Variants in MYO7B observed in about 807,000 individuals in gnomAD.
The protein encoded by MYO7B is unconventional myosin-VIIb.
A neutral mutation model predicts 259.7 loss-of-function variants in MYO7B; 212 were observed. The observed-to-expected ratio is 0.82, with a 90% CI of 0.73 to 0.91. MYO7B has a LOEUF of 0.91. MYO7B is among the 40% of genes least tolerant of loss of function. The pLI, the probability that MYO7B is intolerant of heterozygous loss-of-function variation, is 0.00. For synonymous variants in MYO7B, 1,197 were observed against 1,166.4 expected, an observed-to-expected ratio of 1.03 and a Z score of -0.54; for missense variants, 2,732 against 2,813.5, an observed-to-expected ratio of 0.97 and a Z score of 0.66.
At chr2:127,616,720 G>T (rs940262124) in intron 26 of MYO7B, among the ~76,000 whole-genome samples, 15 of 152,208 alleles carry the variant, frequency 9.9e-5, no homozygotes, top group African/African-American at 3.4e-4. Flanking sequence ...GGGAATTAAT[G>T]TGCCTCCGGA....
intron 19 of MYO7B, 61 bp from the exon 20 acceptor site, chr2:127,605,783 C>T: frequency 6.8e-7 from 1 of 1,474,930 alleles, no homozygotes; most frequent in East Asian, 2.3e-5. Flanking sequence ...AGTTTTTCTC[C>T]CTCAGAAGCT....
In MYO7B at chr2:127,582,449, A is replaced by G. The variant is rs1558814928; in HGVS notation, c.1343+3A>G. ...TTTGAAAATTTCGAGAACAATAGGT[A>G]TGAAGATCTCAGATCCCAGCCCCAC... is the stretch of plus-strand genomic sequence containing the variant. On this transcript the variant is annotated splice_donor_region_variant and intron_variant, in intron 12 of 47. Coordinates refer to ENST00000409816, the MANE Select transcript of MYO7B (RefSeq NM_001393586.1). 1 of 1,612,748 alleles carries G rather than the reference A, an allele frequency of 6.2e-7. No homozygotes were observed. Among genetic ancestry groups the G allele is most frequent in the African/African-American group, 1.3e-5 (1 of 75,036 alleles).
chr2:127,636,703 C>G lies in MYO7B; in HGVS notation c.6207+75C>G. The G allele has an allele frequency of 6.2e-7, 1 of 1,609,254 alleles. No individual in the cohort carries two copies. Among genetic ancestry groups the G allele is most frequent in the Non-Finnish European group, 8.5e-7 (1 of 1,177,502 alleles). On this transcript the variant is annotated intron_variant, in intron 46 of 47. Coordinates refer to ENST00000409816, the MANE Select transcript of MYO7B (RefSeq NM_001393586.1). This position sits in a 1 kb window ranked among gnomAD's most constrained non-coding sequence, Gnocchi z 4.5. ...TGTGCAGGTGGGGCTGCAGTCATCT[C>G]TGCGGTGTGTCCTGCCTCTCTCCTG...
At chr2:127,625,927 G>T in intron 31 of MYO7B, 1 of 204,398 alleles carries the variant, frequency 4.9e-6, no homozygotes, top group Non-Finnish European at 9.7e-6. Context: ...TGGGTGCATG[G>T]GAACCCCCCA....
chr2:127,605,725 CG>C, intron 19 of MYO7B, 118 bp from the exon 20 acceptor site: 1 of 830,498 alleles, frequency 1.2e-6, no homozygotes, highest in Admixed American at 2.3e-5. Context: ...AAGGATTGTA[CG>C]TATTCATTTT....
At position 127,631,608 on chromosome 2, in the gene MYO7B, CG is replaced by C; in HGVS notation, c.5106del (p.Tyr1703ThrfsTer39). The C allele has an allele frequency of 6.2e-7, 1 of 1,613,024 alleles. No individual in the cohort carries two copies. ...IACQIFVAIL[R>X]YMGDYPSRQA... ...CTCCTTGACAGCCACACCCATCCTC[CG>C]GTACATGGGCGACTACCCTTCTCGG... On this transcript the variant is annotated frameshift_variant, in exon 38 of 48. Coordinates refer to ENST00000409816, the MANE Select transcript of MYO7B (RefSeq NM_001393586.1). LOFTEE classifies it high-confidence loss of function.
chr2:127,617,658 G>T lies in MYO7B; in HGVS notation c.3399-2682G>T, dbSNP rs111807330. Among the ~76,000 whole-genome samples, 1,256 of 149,588 alleles carry T rather than the reference G, an allele frequency of 8.4e-3. 22 individuals carry two copies. The highest frequency in any genetic ancestry group is 0.029 in the African/African-American group (1,179 of 40,470). On this transcript the variant is annotated intron_variant, in intron 26 of 47. Coordinates refer to ENST00000409816, the MANE Select transcript of MYO7B (RefSeq NM_001393586.1). ...GCTGGGACTACAGGCGCCCGCCACC[G>T]CGCCCGGCTAATTTTTTGTATTTTT...
rs1680789497 is a variant in MYO7B, at chr2:127,620,447, C to T, written c.3506C>T (p.Pro1169Leu). Residue 1169 changes from proline to leucine, a missense_variant, in exon 27 of 48, where the codon CCC becomes CTC. By Grantham distance (98) the Pro-to-Leu change is moderately conservative. This residue lies in a region of MYO7B where 1,906 missense variants were observed against 2,026.4 expected (regional missense o/e 0.94). Transcript: ENST00000409816. Reference protein sequence around the residue: ...LLSLCLGCFPPSERFMKYLLN... With the variant: ...LLSLCLGCFPLSERFMKYLLN... ...AGCCTCTGCCTCGGCTGCTTCCCAC[C>T]CTCAGAGAGGTTCATGAAGGTGAGA... The T allele has an allele frequency of 6.2e-7, 1 of 1,603,188 alleles. No individual in the cohort carries two copies. The highest frequency in any genetic ancestry group is 8.5e-7 in the Non-Finnish European group (1 of 1,172,260).
At chr2:127,599,916 T>C (rs1362765980) in intron 19 of MYO7B, among the ~76,000 whole-genome samples, 1 of 152,260 alleles carries the variant, frequency 6.6e-6, no homozygotes, top group Non-Finnish European at 1.5e-5. Context: ...TATTTGTTAA[T>C]GTTTCATTAA....
chr2:127,632,049 G>A (rs10186397), intron 38 of MYO7B, among the ~76,000 whole-genome samples, 197 bp from the exon 39 acceptor site: 61,398 of 152,152 alleles, frequency 0.4, 12,611 homozygotes, highest in South Asian at 0.54. Flanking sequence ...ATGCCCACCC[G>A]CCCCCATCTT....
chr2:127,615,081 G>A lies in MYO7B; in HGVS notation c.3398+2478G>A, dbSNP rs1283485929. Among the ~76,000 whole-genome samples the A allele has an allele frequency of 3.3e-5, 5 of 152,184 alleles. No individual in the cohort carries two copies. The highest frequency in any genetic ancestry group is 1.5e-5 in the Non-Finnish European group (1 of 68,036). On this transcript the variant is annotated intron_variant, in intron 26 of 47. Transcript: ENST00000409816. This position sits in a 1 kb window ranked among gnomAD's most constrained non-coding sequence, Gnocchi z 4.4. Reference sequence around the variant, plus strand: ...GAGGAGCTCACCCTTTAGCTGGGGGGCACGAGAGGACCAGGAAATTCACAA... The same window carrying A: ...GAGGAGCTCACCCTTTAGCTGGGGGACACGAGAGGACCAGGAAATTCACAA...
At chr2:127,593,717 C>T (rs773100283) in intron 18 of MYO7B, 73 bp downstream of exon 18, 6 of 1,405,854 alleles carry the variant, frequency 4.3e-6, no homozygotes, top group Admixed American at 3.4e-5. Flanking sequence ...GCACCAGGCC[C>T]GGGGTCCATG....
rs751441262 is a variant in MYO7B at position 127,586,539 on chromosome 2, C to A, written c.1690+1626C>A. 5.9e-5 allele frequency among the ~76,000 whole-genome samples: 9 copies of A among 152,170 alleles called. No individual in the cohort carries two copies. Among genetic ancestry groups the A allele is most frequent in the Non-Finnish European group, 1.2e-4 (8 of 68,032 alleles). ...TGCCGTGGCTCCTTCATAGTTCCTG[C>A]CACATCCTGGCTTTGGGCTCTTGGA... On this transcript the variant is annotated intron_variant, in intron 14 of 47. Transcript: ENST00000409816. This position sits in a 1 kb window ranked among gnomAD's most constrained non-coding sequence, Gnocchi z 4.8.
chr2:127,628,137 A>C lies in MYO7B; in HGVS notation c.4461-235A>C, dbSNP rs1681250843. 1.5e-6 allele frequency: 1 copy of C among 669,484 alleles called. No individual in the cohort carries two copies. The highest frequency in any genetic ancestry group is 2.7e-6 in the Non-Finnish European group (1 of 365,550). 41.5% of individuals were successfully genotyped at this position (669,484 alleles called of 1,614,324 possible). A position where few individuals can be genotyped will look rare whatever the true frequency, so the allele number is the denominator to read the frequency against. The stretch of plus-strand genomic sequence containing the variant: ...ACACCAGCCACCTCATTATCTGCCC[A>C]CAGCCAACCCCACACATGGGCTGCA... On this transcript the variant is annotated intron_variant, in intron 33 of 47. Coordinates refer to ENST00000409816, the MANE Select transcript of MYO7B (RefSeq NM_001393586.1). This position sits in a 1 kb window ranked among gnomAD's most constrained non-coding sequence, Gnocchi z 4.8.
chr2:127,562,489 T>G (rs1299997207), intron 2 of MYO7B, among the ~76,000 whole-genome samples: 2 of 139,004 alleles, frequency 1.4e-5, no homozygotes, highest in African/African-American at 5.3e-5. Context: ...ATTGTTTTTT[T>G]TTTTTTTTTT....
In MYO7B at chr2:127,612,624, C is replaced by T. The variant is rs375953205; in HGVS notation, c.3398+21C>T. The T allele has an allele frequency of 3.7e-4, 593 of 1,607,482 alleles. 1 individual carries two copies. The highest frequency in any genetic ancestry group is 1.5e-3 in the Admixed American group (90 of 59,664). ...CTCAGGTCAGTTCCCACTCCCATCC[C>T]GGCCCCATTCAGAGCATCAGATGCC... On this transcript the variant is annotated intron_variant, in intron 26 of 47. Coordinates refer to ENST00000409816, the MANE Select transcript of MYO7B (RefSeq NM_001393586.1).
At chr2:127,589,658 ATGGG>A (rs1292682035) in intron 15 of MYO7B, among the ~76,000 whole-genome samples, 1 of 47,792 alleles carries the variant, frequency 2.1e-5, no homozygotes, top group Non-Finnish European at 3.9e-5. Flanking sequence ...GGATGGGTGA[ATGGG>A]TGGGTGGATG....
intron 1 of MYO7B, among the ~76,000 whole-genome samples, chr2:127,547,719 C>T (rs895838168): frequency 6.6e-6 from 1 of 152,142 alleles, no homozygotes; most frequent in African/African-American, 2.4e-5. Flanking sequence ...TGCTTCCAAC[C>T]TCCCAAGTGA....
intron 26 of MYO7B, among the ~76,000 whole-genome samples, chr2:127,618,380 C>A (rs1278634230): frequency 6.6e-6 from 1 of 152,140 alleles, no homozygotes; most frequent in African/African-American, 2.4e-5. Context: ...GCTTCTTCAG[C>A]CCTTAGTATT....
Sources: allele counts gnomAD v4.1 joint callset (sites outside exome capture counted in the v4.1 genomes callset), GRCh38; gene constraint gnomAD v4.1.1; regional missense constraint gnomAD v4.1.1; non-coding constraint Gnocchi (gnomAD v3.1); transcripts MANE v1.5; gene names NCBI Gene and HGNC (gene_info 2026-07-23, HGNC 2026-07-21).